The following RAB27B variants were observed in gnomAD, a reference collection of about 807,000 sequenced individuals.
RAB27B encodes ras-related protein Rab-27B.
Under a neutral mutation model 24.6 loss-of-function variants are expected in RAB27B, and 15 were observed. The observed-to-expected ratio is 0.61, with a 90% confidence interval of 0.41 to 0.94. RAB27B has a LOEUF of 0.94. Among genes scored for constraint, RAB27B ranks in the 40% least tolerant of loss-of-function variants. RAB27B has a pLI of 0.00. For synonymous variants in RAB27B, 105 were observed against 92.5 expected, an observed-to-expected ratio of 1.14 and a Z score of -0.78; for missense variants, 261 against 266.8, an observed-to-expected ratio of 0.98 and a Z score of 0.15.
chr18:54,728,885 A>AC (rs1909630895), intron 2 of RAB27B, among the ~76,000 whole-genome samples: 1 of 98,014 alleles, frequency 1.0e-5, no homozygotes, highest in Non-Finnish European at 2.2e-5. Flanking sequence ...CAAAAAAAAA[A>AC]AAAAAAAAAA....
At chr18:54,847,980 A>G (rs1403878399) in intron 1 of RAB27B, among the ~76,000 whole-genome samples, 1 of 152,262 alleles carries the variant, frequency 6.6e-6, no homozygotes, top group Non-Finnish European at 1.5e-5. Context: ...GGTGGAAGAA[A>G]ATTTATGGAC....
chr18:54,797,135 G>T (rs745765864), intron 2 of RAB27B, among the ~76,000 whole-genome samples: 1 of 152,186 alleles, frequency 6.6e-6, no homozygotes, highest in South Asian at 2.1e-4. Context: ...ATGCAGAAAG[G>T]CAAACAGACA....
chr18:54,722,298 T>C (rs1186178483), intron 2 of RAB27B, among the ~76,000 whole-genome samples: 9 of 152,220 alleles, frequency 5.9e-5, no homozygotes, highest in Non-Finnish European at 1.0e-4. Flanking sequence ...TTCCGAATCT[T>C]CTAAAGAGCA....
chr18:54,762,883 C>T (rs968716240), intron 2 of RAB27B, among the ~76,000 whole-genome samples: 2 of 152,158 alleles, frequency 1.3e-5, no homozygotes, highest in African/African-American at 4.8e-5. Flanking sequence ...TACTCTTTTG[C>T]TTGCTCCTAT....
chr18:54,861,909 C>A (rs1043238451), intron 1 of RAB27B, among the ~76,000 whole-genome samples: 11 of 152,146 alleles, frequency 7.2e-5, no homozygotes, highest in Non-Finnish European at 1.5e-4. Flanking sequence ...GGTTCTGCTT[C>A]ATCGCATCAC....
At chr18:54,804,638 T>C (rs1358078013) in intron 2 of RAB27B, among the ~76,000 whole-genome samples, 3 of 151,956 alleles carry the variant, frequency 2.0e-5, no homozygotes, top group African/African-American at 4.8e-5. Context: ...GACTTTAGAG[T>C]GGTTCTATAC....
chr18:54,762,711 C>T (rs1217722232), intron 2 of RAB27B, among the ~76,000 whole-genome samples: 1 of 152,114 alleles, frequency 6.6e-6, no homozygotes, highest in East Asian at 1.9e-4. Context: ...TTGAAAAAAT[C>T]ACATACCTTC....
At chr18:54,829,682 A>C (rs1357794532) in intron 1 of RAB27B, among the ~76,000 whole-genome samples, 3 of 152,202 alleles carry the variant, frequency 2.0e-5, no homozygotes, top group African/African-American at 4.8e-5. Context: ...TATGGTTATA[A>C]ATTTTGAAAA....
At chr18:54,768,823 A>C (rs1387034676) in intron 2 of RAB27B, among the ~76,000 whole-genome samples, 1 of 152,102 alleles carries the variant, frequency 6.6e-6, no homozygotes, top group East Asian at 1.9e-4. Flanking sequence ...ATCTCATGAG[A>C]ACTCACTCAC....
intron 1 of RAB27B, among the ~76,000 whole-genome samples, chr18:54,856,144 A>G (rs995088661): frequency 2.6e-5 from 4 of 152,212 alleles, no homozygotes; most frequent in Admixed American, 6.5e-5. Context: ...ACAGAAAATG[A>G]ATGGGAGCCT....
chr18:54,755,711 A>G (rs997014823), intron 2 of RAB27B, among the ~76,000 whole-genome samples: 1 of 152,242 alleles, frequency 6.6e-6, no homozygotes. Context: ...CCAGATCTCC[A>G]TCTTTATTAA....
intron 2 of RAB27B, among the ~76,000 whole-genome samples, chr18:54,807,862 A>C (rs1371063810): frequency 1.3e-5 from 2 of 152,202 alleles, no homozygotes; most frequent in Non-Finnish European, 2.9e-5. Context: ...AAACAGCATG[A>C]GACATTAAAA....
chr18:54,814,286 T>C (rs1484288380), intron 2 of RAB27B, among the ~76,000 whole-genome samples: 1 of 152,232 alleles, frequency 6.6e-6, no homozygotes, highest in African/African-American at 2.4e-5. Flanking sequence ...CTGTGAAAGA[T>C]GCAGATTTAC....
chr18:54,731,411 T>C (rs1452466596), intron 2 of RAB27B, among the ~76,000 whole-genome samples: 1 of 152,198 alleles, frequency 6.6e-6, no homozygotes, highest in Admixed American at 6.5e-5. Context: ...CTCAATCCAA[T>C]GGATGCATAT....
At position 54,866,850 on chromosome 18, in the gene RAB27B, G is replaced by A. The variant is rs78999237; in HGVS notation, c.-19-10717G>A. Among the ~76,000 whole-genome samples the A allele has an allele frequency of 1.1e-3, 170 of 152,276 alleles. 3 individuals carry two copies. The East Asian group carries it at 0.029, about 26-fold the overall frequency. On this transcript the variant is annotated intron_variant, in intron 1 of 5. Coordinates refer to ENST00000262094, the MANE Select transcript of RAB27B (RefSeq NM_004163.4). ...GCAGCTCCTCGTATTTTAAATGGAAGACACCAATTCAAGGCACCACCATAA... is the reference window on the plus strand; with the variant it reads ...GCAGCTCCTCGTATTTTAAATGGAAAACACCAATTCAAGGCACCACCATAA...
chr18:54,763,307 GTTTATTTATTTA>G (rs375150305), intron 2 of RAB27B, among the ~76,000 whole-genome samples: 1 of 151,666 alleles, frequency 6.6e-6, no homozygotes, highest in Non-Finnish European at 1.5e-5. Flanking sequence ...CTATGTGTTT[GTTTATTTATTTA>G]TTTATTTATT....
chr18:54,768,471 C>CTAAAAGTG (rs1198807110), intron 2 of RAB27B, among the ~76,000 whole-genome samples: 1 of 152,080 alleles, frequency 6.6e-6, no homozygotes, highest in Non-Finnish European at 1.5e-5. Flanking sequence ...TTCATATGTA[C>CTAAAAGTG]TAAAAGTGGT....
intron 2 of RAB27B, among the ~76,000 whole-genome samples, chr18:54,809,499 C>T (rs1376567150): frequency 6.6e-6 from 1 of 152,170 alleles, no homozygotes; most frequent in African/African-American, 2.4e-5. Flanking sequence ...GGAGCACAGA[C>T]TAGGTCACCT....
chr18:54,758,635 T>TAAAAAAAAAA (rs58044123), intron 2 of RAB27B, among the ~76,000 whole-genome samples: 2 of 141,672 alleles, frequency 1.4e-5, no homozygotes, highest in African/African-American at 2.6e-5. Flanking sequence ...CAAAAACAAT[T>TAAAAAAAAAA]AAAAAAAAAA....
Sources: gnomAD v4.1 joint callset for allele counts (sites outside exome capture counted in the v4.1 genomes callset) on GRCh38, gnomAD v4.1.1 for gene constraint, MANE v1.5 for transcripts, NCBI Gene and HGNC (gene_info 2026-07-23, HGNC 2026-07-21) for gene names.